SPECC1: variants seen among roughly 807,000 people sequenced by gnomAD.
SPECC1 encodes cytospin-B.
SPECC1 carries 62 observed loss-of-function variants against 104.1 expected under a neutral mutation model. The observed-to-expected ratio is 0.60, with a 90% CI of 0.49 to 0.74. The LOEUF (loss-of-function observed/expected upper bound fraction) is 0.74, where lower values mean the gene tolerates loss of function less well. SPECC1 is among the 30% of genes least tolerant of loss of function. The pLI is 0.00. For synonymous variants in SPECC1, 513 were observed against 501.6 expected (o/e 1.02, Z -0.30); for missense variants, 1,306 against 1,310.5 (o/e 1.00, Z 0.05).
At chr17:20,080,477 T>C (rs888025927) in intron 1 of SPECC1, among the ~76,000 whole-genome samples, 1 of 152,084 alleles carries the variant, frequency 6.6e-6, no homozygotes, top group Non-Finnish European at 1.5e-5. Flanking sequence ...ATCTGGTTGC[T>C]ACAGTAACGG....
At chr17:20,067,879 T>G (rs1484493029) in intron 1 of SPECC1, among the ~76,000 whole-genome samples, 1 of 152,048 alleles carries the variant, frequency 6.6e-6, no homozygotes, top group Non-Finnish European at 1.5e-5. Flanking sequence ...GCTCCTTCCC[T>G]CATCCTGTGG....
At position 20,166,085 on chromosome 17, in the gene SPECC1, A is replaced by G. The variant is rs548567304; in HGVS notation, c.284-38248A>G. Among the ~76,000 whole-genome samples, 15 of 152,358 alleles carry G rather than the reference A, an allele frequency of 9.8e-5. No individual in the cohort carries two copies. The East Asian group carries it at 2.9e-3, about 29-fold the overall frequency. On this transcript the variant is annotated intron_variant, in intron 3 of 14. Coordinates refer to ENST00000395527, the MANE Select transcript of SPECC1 (RefSeq NM_001243439.2). ...TCTTACAAGATAATTCTACTGAAAC[A>G]ATAGTATCAGTTAAAAACACAATAC...
chr17:20,163,138 A>G (rs2033325511), intron 3 of SPECC1, among the ~76,000 whole-genome samples: 1 of 152,246 alleles, frequency 6.6e-6, no homozygotes, highest in Non-Finnish European at 1.5e-5. Context: ...CAGTGGGTTA[A>G]GCTCCCCATT....
At chr17:20,291,345 C>T (rs1401235326) in intron 12 of SPECC1, among the ~76,000 whole-genome samples, 1 of 152,246 alleles carries the variant, frequency 6.6e-6, no homozygotes, top group Non-Finnish European at 1.5e-5. Flanking sequence ...GCAGTGTCCA[C>T]TGCAAATGGG....
At chr17:20,061,163 C>T (rs2046171610) in intron 1 of SPECC1, among the ~76,000 whole-genome samples, 1 of 152,216 alleles carries the variant, frequency 6.6e-6, no homozygotes, top group Non-Finnish European at 1.5e-5. Flanking sequence ...CCTCCATCTC[C>T]CAGGTTCAAG....
intron 1 of SPECC1, among the ~76,000 whole-genome samples, chr17:20,022,444 A>G (rs973365541): frequency 1.4e-4 from 21 of 152,118 alleles, no homozygotes; most frequent in African/African-American, 4.1e-4. Flanking sequence ...AGTTTCTCCT[A>G]ATATGTTATA....
intron 3 of SPECC1, among the ~76,000 whole-genome samples, chr17:20,148,697 G>A (rs1000494079): frequency 5.9e-5 from 9 of 151,862 alleles, no homozygotes; most frequent in African/African-American, 1.7e-4. Flanking sequence ...TATAGTTTTT[G>A]TTTATGTACA....
chr17:20,093,726 GTTTTTTGTTTTTTTT>G (rs2047510444), intron 1 of SPECC1, among the ~76,000 whole-genome samples: 1 of 143,478 alleles, frequency 7.0e-6, no homozygotes, highest in East Asian at 2.0e-4. Context: ...TTTTGTTTTT[GTTTTTTGTTTTTTTT>G]TTTTTTGGAG....
chr17:20,239,111 T>A (rs945613364), intron 7 of SPECC1: 3 of 1,025,274 alleles, frequency 2.9e-6, no homozygotes, highest in Non-Finnish European at 3.5e-6. Flanking sequence ...GTAAAAATGC[T>A]AATTTTGCAT....
chr17:20,178,513 T>G (rs945212215), intron 3 of SPECC1, among the ~76,000 whole-genome samples: 2 of 152,148 alleles, frequency 1.3e-5, no homozygotes, highest in Non-Finnish European at 2.9e-5. Context: ...ACAACAAGCA[T>G]AACTAAATCA....
chr17:20,025,809 C>T (rs1263722424), intron 1 of SPECC1, among the ~76,000 whole-genome samples: 1 of 152,186 alleles, frequency 6.6e-6, no homozygotes, highest in Non-Finnish European at 1.5e-5. Context: ...GTGGCTGCAT[C>T]ACTTTACATT....
chr17:20,285,806 TCTTC>T (rs1212660826), intron 12 of SPECC1, among the ~76,000 whole-genome samples: 3 of 149,270 alleles, frequency 2.0e-5, no homozygotes, highest in South Asian at 2.1e-4. Flanking sequence ...TCCCTTTCTT[TCTTC>T]CTTCCTTCCT....
intron 7 of SPECC1, among the ~76,000 whole-genome samples, chr17:20,240,871 C>G (rs2039170577): frequency 6.6e-6 from 1 of 152,138 alleles, no homozygotes; most frequent in Non-Finnish European, 1.5e-5. Flanking sequence ...AACTCTGTTT[C>G]CAGTCATGAA....
chr17:20,242,439 G>T (rs555472689), intron 7 of SPECC1, among the ~76,000 whole-genome samples: 9 of 152,226 alleles, frequency 5.9e-5, no homozygotes, highest in Non-Finnish European at 1.0e-4. Flanking sequence ...TCTGCTTATG[G>T]AGTGTGCATC....
intron 14 of SPECC1, among the ~76,000 whole-genome samples, chr17:20,312,683 T>A (rs1401586737): frequency 6.6e-6 from 1 of 152,240 alleles, no homozygotes; most frequent in Non-Finnish European, 1.5e-5. Context: ...CTACAGCCAG[T>A]GTAGGTAGAA....
chr17:20,276,561 T>G (rs1181047511), intron 12 of SPECC1, among the ~76,000 whole-genome samples: 1 of 152,214 alleles, frequency 6.6e-6, no homozygotes, highest in South Asian at 2.1e-4. Flanking sequence ...GTGTTTTATC[T>G]TCTTCCTCTG....
At chr17:20,265,486 A>G (rs1280123054) in intron 12 of SPECC1, among the ~76,000 whole-genome samples, 1 of 152,078 alleles carries the variant, frequency 6.6e-6, no homozygotes, top group Admixed American at 6.5e-5. Context: ...TTAAGTTCTT[A>G]TAGATTCTGG....
At chr17:20,058,474 A>G (rs2046051618) in intron 1 of SPECC1, among the ~76,000 whole-genome samples, 3 of 152,128 alleles carry the variant, frequency 2.0e-5, no homozygotes, top group African/African-American at 7.2e-5. Flanking sequence ...TCTGGGCAAC[A>G]TGGTGAGACC....
chr17:20,164,296 G>A lies in SPECC1; in HGVS notation c.284-40037G>A, dbSNP rs530466898. On this transcript the variant is annotated intron_variant, in intron 3 of 14. Coordinates refer to ENST00000395527, the MANE Select transcript of SPECC1 (RefSeq NM_001243439.2). ...TGCCCCAGCCTCCTGAAGTAGCTGG[G>A]ACTACAGGCAGTGCCACCATGCCCA... Among the ~76,000 whole-genome samples, 20 of 151,864 alleles carry A rather than the reference G, an allele frequency of 1.3e-4. No individual in the cohort carries two copies. The South Asian group carries it at 4.2e-3, about 32-fold the overall frequency.
Sources: allele counts gnomAD v4.1 joint callset (sites outside exome capture counted in the v4.1 genomes callset), GRCh38; gene constraint gnomAD v4.1.1; transcripts MANE v1.5; gene names NCBI Gene and HGNC (gene_info 2026-07-23, HGNC 2026-07-21).